Variants in CACNB4 observed in about 807,000 individuals in gnomAD.
CACNB4 encodes the protein voltage-dependent L-type calcium channel subunit beta-4.
A neutral mutation model predicts 71.2 loss-of-function variants in CACNB4; 32 were observed. That is an observed-to-expected ratio of 0.45 (90% confidence interval 0.34 to 0.60). The LOEUF (loss-of-function observed/expected upper bound fraction) is 0.60, where lower values mean the gene tolerates loss of function less well. Ranked by LOEUF, CACNB4 falls within the 20% of genes least tolerant of loss-of-function variation. The pLI, the probability that CACNB4 is intolerant of heterozygous loss-of-function variation, is 0.01. For synonymous variants in CACNB4, 231 were observed against 236.9 expected (o/e 0.97, Z 0.23); for missense variants, 464 against 647.9 (o/e 0.72, Z 3.08).
At chr2:152,086,548 G>A (rs769904631) in intron 2 of CACNB4, among the ~76,000 whole-genome samples, 2 of 152,112 alleles carry the variant, frequency 1.3e-5, no homozygotes, top group Non-Finnish European at 2.9e-5. Flanking sequence ...CAAGCACTCC[G>A]CTTTCTCCTT....
chr2:151,928,727 C>A (rs1326810584), intron 2 of CACNB4, among the ~76,000 whole-genome samples: 1 of 152,008 alleles, frequency 6.6e-6, no homozygotes, highest in African/African-American at 2.4e-5. Context: ...GAGTTTGAGA[C>A]CAGCCTGGGC....
chr2:151,980,081 A>G lies in CACNB4; in HGVS notation c.148-96711T>C, dbSNP rs185507249. On this transcript the variant is annotated intron_variant, in intron 2 of 13. Transcript: ENST00000539935. ...TAAAATTAGTAAAACTTTATTTTCT[A>G]TTTTGTTACTGCTTTTAGGTAACAA... Among the ~76,000 whole-genome samples the G allele has an allele frequency of 5.7e-4, 87 of 152,294 alleles. 1 individual carries two copies. Among genetic ancestry groups the G allele is most frequent in the Admixed American group, 4.8e-3 (74 of 15,298 alleles).
rs945094884 is a variant in CACNB4, at chr2:152,098,778, G to C, written c.63+171C>G. ...AGGAGGAAGAGAAGGAGGAGAAAGA[G>C]GAGGAGCGGGAGGAGAAAGGGACGT... On this transcript the variant is annotated intron_variant, in intron 1 of 13. Transcript: ENST00000539935. The surrounding 1 kb of genome is among the most constrained non-coding windows in gnomAD (Gnocchi z 5.3). 21 of 1,244,206 alleles carry C rather than the reference G, an allele frequency of 1.7e-5. No individual in the cohort carries two copies. Among genetic ancestry groups the C allele is most frequent in the East Asian group, 1.3e-4 (5 of 38,830 alleles). 77.1% of individuals were successfully genotyped at this position (1,244,206 alleles called of 1,614,324 possible).
At chr2:151,975,367 G>A (rs1003744062) in intron 2 of CACNB4, among the ~76,000 whole-genome samples, 7 of 152,156 alleles carry the variant, frequency 4.6e-5, no homozygotes, top group Admixed American at 6.5e-5. Context: ...GTGCTGACCC[G>A]TTCATGTCTT....
intron 2 of CACNB4, among the ~76,000 whole-genome samples, chr2:152,094,908 G>A (rs1450070474): frequency 6.6e-6 from 1 of 152,190 alleles, no homozygotes; most frequent in Non-Finnish European, 1.5e-5. Flanking sequence ...AACACTCTTA[G>A]GAAGGTCTTG....
intron 2 of CACNB4, among the ~76,000 whole-genome samples, chr2:151,939,322 C>T (rs1253306475): frequency 6.6e-6 from 1 of 152,092 alleles, no homozygotes; most frequent in African/African-American, 2.4e-5. Context: ...GAATAAAGCG[C>T]CCTTGAAAAT....
chr2:152,098,238 C>T lies in CACNB4; in HGVS notation c.147+92G>A, dbSNP rs969077815. 4 of 991,732 alleles carry T rather than the reference C, an allele frequency of 4.0e-6. No individual in the cohort carries two copies. The highest frequency in any genetic ancestry group is 6.3e-6 in the Non-Finnish European group (4 of 630,722). 61.4% of individuals were successfully genotyped at this position (991,732 alleles called of 1,614,324 possible). On this transcript the variant is annotated intron_variant, in intron 2 of 13. Transcript: ENST00000539935. The surrounding 1 kb of genome is among the most constrained non-coding windows in gnomAD (Gnocchi z 5.3). The stretch of plus-strand genomic sequence containing the variant: ...AGACGCGCGCGGGCTTGACCCGCAG[C>T]TCCCGCACGTGTGGGCCACGGCCGG...
chr2:152,056,461 A>G (rs1685736800), intron 2 of CACNB4, among the ~76,000 whole-genome samples: 1 of 152,066 alleles, frequency 6.6e-6, no homozygotes, highest in Non-Finnish European at 1.5e-5. Context: ...TCACACACTC[A>G]AGCCTCATCA....
chr2:152,021,252 A>C (rs1007295266), intron 2 of CACNB4, among the ~76,000 whole-genome samples: 3 of 152,210 alleles, frequency 2.0e-5, no homozygotes, highest in Non-Finnish European at 4.4e-5. Flanking sequence ...TCTCAAAATA[A>C]ATAAATACAT....
chr2:151,843,568 G>A (rs888979913), intron 12 of CACNB4, among the ~76,000 whole-genome samples: 1 of 152,004 alleles, frequency 6.6e-6, no homozygotes, highest in Non-Finnish European at 1.5e-5. Context: ...CTCCTGCCTC[G>A]GCCTCCCAAA....
intron 2 of CACNB4, among the ~76,000 whole-genome samples, chr2:151,926,968 G>A (rs1396440639): frequency 6.6e-6 from 1 of 152,166 alleles, no homozygotes; most frequent in Non-Finnish European, 1.5e-5. Flanking sequence ...CACAACAGTG[G>A]AAAGTTATTT....
chr2:152,089,662 T>C (rs530997170), intron 2 of CACNB4, among the ~76,000 whole-genome samples: 3 of 152,030 alleles, frequency 2.0e-5, no homozygotes, highest in Non-Finnish European at 4.4e-5. Flanking sequence ...CCAAGCGCAG[T>C]GGCTCATGCC....
chr2:151,887,431 CAAA>C (rs5835386), intron 2 of CACNB4, among the ~76,000 whole-genome samples: 11 of 145,922 alleles, frequency 7.5e-5, no homozygotes, highest in Non-Finnish European at 9.1e-5. Flanking sequence ...GACCCTGTCT[CAAA>C]AAAAAAAAAA....
intron 2 of CACNB4, among the ~76,000 whole-genome samples, chr2:152,031,925 AG>A (rs1278392778): frequency 6.6e-6 from 1 of 152,226 alleles, no homozygotes; most frequent in Non-Finnish European, 1.5e-5. Context: ...AGTCTTGCCA[AG>A]CCAAGGGTGA....
At chr2:151,959,204 A>C (rs1437905751) in intron 2 of CACNB4, among the ~76,000 whole-genome samples, 3 of 152,218 alleles carry the variant, frequency 2.0e-5, no homozygotes, top group Admixed American at 6.5e-5. Flanking sequence ...GAGCCTGCTG[A>C]ATGTCCTCAT....
chr2:152,080,585 G>T (rs868431271), intron 2 of CACNB4, among the ~76,000 whole-genome samples: 1 of 152,138 alleles, frequency 6.6e-6, no homozygotes, highest in African/African-American at 2.4e-5. Flanking sequence ...GTAGTTTCTA[G>T]AAAGTTCAGA....
chr2:151,948,873 T>C lies in CACNB4; in HGVS notation c.148-65503A>G, dbSNP rs147437253. Among the ~76,000 whole-genome samples, 226 of 152,272 alleles carry C rather than the reference T, an allele frequency of 1.5e-3. 1 individual carries two copies. Among genetic ancestry groups the C allele is most frequent in the African/African-American group, 5.0e-3 (206 of 41,560 alleles). On this transcript the variant is annotated intron_variant, in intron 2 of 13. Coordinates refer to ENST00000539935, the MANE Select transcript of CACNB4 (RefSeq NM_000726.5). ...GCTTCTCTCCTCCACCCTTCTACTC[T>C]GCAAGCACACAGTTTAATGTAATAA...
Position 151,876,806 on chromosome 2 carries a change from CTA to C in CACNB4, c.391-252_391-251del, listed in dbSNP as rs1167504803. Among the ~76,000 whole-genome samples, 3 of 143,026 alleles carry C rather than the reference CTA, an allele frequency of 2.1e-5. No homozygotes were observed. The East Asian group carries it at 5.9e-4, about 28-fold the overall frequency. The allele number at this position is 143,026 out of a possible 152,430, so 93.8% of individuals were successfully genotyped here. A position where few individuals can be genotyped will look rare whatever the true frequency, so the allele number is the denominator to read the frequency against. ...TACTATATACTATATTTTATATAAA[CTA>C]TATTATACTATACATTTTATATAAA... On this transcript the variant is annotated intron_variant, in intron 4 of 13. Coordinates refer to ENST00000539935, the MANE Select transcript of CACNB4 (RefSeq NM_000726.5).
At chr2:151,974,815 C>CAAA (rs35540920) in intron 2 of CACNB4, among the ~76,000 whole-genome samples, 1,596 of 137,794 alleles carry the variant, frequency 0.012, 35 homozygotes, top group African/African-American at 0.028. Flanking sequence ...TCTGGTCAAC[C>CAAA]AAAAAAAAAA....
Sources: gnomAD v4.1 joint callset for allele counts (sites outside exome capture counted in the v4.1 genomes callset) on GRCh38, gnomAD v4.1.1 for gene constraint, Gnocchi (gnomAD v3.1) non-coding constraint, MANE v1.5 for transcripts, NCBI Gene and HGNC (gene_info 2026-07-23, HGNC 2026-07-21) for gene names.